Variants in FMN1 observed in about 807,000 individuals in gnomAD.
FMN1 encodes formin-1.
In FMN1, 110 loss-of-function variants were observed where a neutral mutation model predicts 132.4. That is an observed-to-expected ratio of 0.83 (90% CI 0.71 to 0.97). FMN1 has a LOEUF of 0.97. FMN1 is among the 50% of genes least tolerant of loss of function. The probability of loss-of-function intolerance (pLI) is 0.00; values close to 1 mark genes in which losing one functional copy is unlikely to be tolerated. For missense variants in FMN1, 1,792 were observed against 1,705.3 expected (o/e 1.05, Z -0.90); for synonymous variants, 722 against 651.7 (o/e 1.11, Z -1.64).
At position 32,766,786 on chromosome 15, in the gene FMN1, G is replaced by A. The variant is rs1440210916; in HGVS notation, c.*7524C>T. 2.0e-5 allele frequency: 3 copies of A among 152,048 alleles called. No individual in the cohort carries two copies. The highest frequency in any genetic ancestry group is 1.3e-4 in the Admixed American group (2 of 15,264). 9.4% of individuals were successfully genotyped at this position (152,048 alleles called of 1,614,324 possible). A position where few individuals can be genotyped will look rare whatever the true frequency, so the allele number is the denominator to read the frequency against. ...GCTACTCAGTTGTCTATGATGCAGA[G>A]GTGTGAAAAAATCTGGGTCTGGGGG... is the stretch of plus-strand genomic sequence containing the variant. On this transcript the variant is annotated 3_prime_UTR_variant, in exon 21 of 21. Coordinates refer to ENST00000616417, the MANE Select transcript of FMN1 (RefSeq NM_001277313.2).
intron 3 of FMN1, among the ~76,000 whole-genome samples, chr15:33,158,159 C>G (rs1240428910): frequency 1.3e-5 from 2 of 151,984 alleles, no homozygotes; most frequent in Non-Finnish European, 2.9e-5. Flanking sequence ...GCAGTAAAAA[C>G]TCAATGAAGA....
chr15:32,848,089 A>G (rs1258302324), intron 17 of FMN1, among the ~76,000 whole-genome samples: 1 of 152,214 alleles, frequency 6.6e-6, no homozygotes, highest in Non-Finnish European at 1.5e-5. Context: ...GAAGAGCCCA[A>G]ATGAAATAAA....
intron 6 of FMN1, among the ~76,000 whole-genome samples, chr15:33,037,188 T>C (rs571638336): frequency 6.6e-6 from 1 of 152,120 alleles, no homozygotes; most frequent in South Asian, 2.1e-4. Flanking sequence ...AGTCCCAGAG[T>C]TTGAGATGAT....
chr15:32,912,198 C>A (rs973237958), intron 10 of FMN1, among the ~76,000 whole-genome samples: 8 of 152,306 alleles, frequency 5.3e-5, no homozygotes, highest in African/African-American at 1.9e-4. Flanking sequence ...CTGTGAGTTT[C>A]TTTTCCTAGT....
intron 4 of FMN1, among the ~76,000 whole-genome samples, chr15:33,112,831 G>A (rs1239988122): frequency 6.6e-6 from 1 of 152,134 alleles, no homozygotes; most frequent in Non-Finnish European, 1.5e-5. Context: ...AAGGGCATTT[G>A]CAGCAGAGTT....
intron 6 of FMN1, among the ~76,000 whole-genome samples, chr15:33,025,950 G>A (rs1240001106): frequency 6.6e-6 from 1 of 152,170 alleles, no homozygotes; most frequent in East Asian, 1.9e-4. Flanking sequence ...CTAGAGGCGT[G>A]AGATAATGTG....
intron 17 of FMN1, among the ~76,000 whole-genome samples, chr15:32,846,080 A>G (rs2058849018): frequency 6.6e-6 from 1 of 152,192 alleles, no homozygotes; most frequent in African/African-American, 2.4e-5. Context: ...CTCTCACTAC[A>G]TTCAGATCAC....
Position 32,765,752 on chromosome 15 carries a change from C to T in FMN1, c.*8558G>A, listed in dbSNP as rs900253029. The T allele has an allele frequency of 6.6e-6, 1 of 151,726 alleles. No individual in the cohort carries two copies. The highest frequency in any genetic ancestry group is 6.6e-5 in the Admixed American group (1 of 15,246). 9.4% of individuals were successfully genotyped at this position (151,726 alleles called of 1,614,324 possible). On this transcript the variant is annotated 3_prime_UTR_variant, in exon 21 of 21. Coordinates refer to ENST00000616417, the MANE Select transcript of FMN1 (RefSeq NM_001277313.2). ...TTTTCTAATCAATATATATTATGTA[C>T]AAAAATACACTTGATATTGTGACCA... is the stretch of plus-strand genomic sequence containing the variant.
chr15:33,154,639 TG>T lies in FMN1; in HGVS notation c.275del (p.Thr92LysfsTer7). ...DILTELYKLTTERERLLTNLL... is the reference protein window; with the variant it reads ...DILTELYKLTXERERLLTNLL... ...GATTGGTTAGCAGTCTCTCCCTCTC[TG>T]TTGTGAGTTTGTACAGCTCAGTTAG... On this transcript the variant is annotated frameshift_variant, in exon 4 of 21. Coordinates refer to ENST00000616417, the MANE Select transcript of FMN1 (RefSeq NM_001277313.2). LOFTEE classifies it high-confidence loss of function. 1 of 1,536,114 alleles carries T rather than the reference TG, an allele frequency of 6.5e-7. No homozygotes were observed. The highest frequency in any genetic ancestry group is 8.7e-7 in the Non-Finnish European group (1 of 1,146,918).
intron 5 of FMN1, among the ~76,000 whole-genome samples, chr15:33,073,443 G>C (rs1190971594): frequency 6.6e-6 from 1 of 152,180 alleles, no homozygotes; most frequent in Non-Finnish European, 1.5e-5. Context: ...GTGAAAAAAA[G>C]TTAAGAGCAA....
intron 5 of FMN1, chr15:33,067,532 G>C (rs2037799099): frequency 1.2e-6 from 2 of 1,613,858 alleles, no homozygotes; most frequent in Non-Finnish European, 1.7e-6. Flanking sequence ...CAGCTCTTGA[G>C]CAAGGAGAGA....
intron 7 of FMN1, among the ~76,000 whole-genome samples, chr15:32,996,079 T>C (rs2033752645): frequency 6.6e-6 from 1 of 152,224 alleles, no homozygotes; most frequent in Non-Finnish European, 1.5e-5. Context: ...CTGCTCATAA[T>C]AAACACAATA....
At chr15:33,086,418 T>G (rs2038697323) in intron 5 of FMN1, among the ~76,000 whole-genome samples, 1 of 150,700 alleles carries the variant, frequency 6.6e-6, no homozygotes, top group Non-Finnish European at 1.5e-5. Flanking sequence ...GATTATGAGG[T>G]TTTTTTTTCA....
chr15:33,024,108 G>C (rs966269539), intron 6 of FMN1, among the ~76,000 whole-genome samples: 5 of 151,428 alleles, frequency 3.3e-5, no homozygotes, highest in Admixed American at 6.6e-5. Flanking sequence ...TAAATTTATG[G>C]AAGATAAACT....
intron 9 of FMN1, among the ~76,000 whole-genome samples, chr15:32,944,272 C>CT (rs2140457321): frequency 6.6e-6 from 1 of 152,352 alleles, no homozygotes; most frequent in African/African-American, 2.4e-5. Flanking sequence ...CCCTGCCACT[C>CT]TGCCATCACA....
chr15:32,875,372 G>C (rs540077153), intron 16 of FMN1, among the ~76,000 whole-genome samples: 3 of 152,302 alleles, frequency 2.0e-5, no homozygotes, highest in South Asian at 4.1e-4. Context: ...CTATGTGAAT[G>C]CTTTGTCAAC....
At position 32,888,164 on chromosome 15, in the gene FMN1, C is replaced by T. The variant is rs1365363483; in HGVS notation, c.3835+8G>A. 1 of 1,600,796 alleles carries T rather than the reference C, an allele frequency of 6.2e-7. No homozygotes were observed. The highest frequency in any genetic ancestry group is 1.8e-5 in the Admixed American group (1 of 57,116). On this transcript the variant is annotated splice_region_variant and intron_variant, in intron 16 of 20. Coordinates refer to ENST00000616417, the MANE Select transcript of FMN1 (RefSeq NM_001277313.2). The stretch of plus-strand genomic sequence containing the variant: ...CTATTATCATAATAGCAGAACAGTT[C>T]CTATTACCTTCTAGTTGCCTCTTCA...
intron 17 of FMN1, among the ~76,000 whole-genome samples, chr15:32,814,261 T>A (rs2057983091): frequency 2.0e-5 from 3 of 152,218 alleles, no homozygotes; most frequent in African/African-American, 7.2e-5. Context: ...CCTTAGTTAT[T>A]TTTCACAGAT....
intron 3 of FMN1, among the ~76,000 whole-genome samples, chr15:33,159,182 T>C (rs1419807631): frequency 1.3e-5 from 2 of 152,128 alleles, no homozygotes; most frequent in Non-Finnish European, 2.9e-5. Context: ...ACTCTGTCTC[T>C]AAATAAATAA....
Sources: gnomAD v4.1 joint callset for allele counts (sites outside exome capture counted in the v4.1 genomes callset) on GRCh38, gnomAD v4.1.1 for gene constraint, MANE v1.5 for transcripts, NCBI Gene and HGNC (gene_info 2026-07-23, HGNC 2026-07-21) for gene names.